Variants in BCLAF3 observed in about 807,000 individuals in gnomAD.
BCLAF3 encodes transient octamer binding factor 1.
A neutral mutation model predicts 51.2 loss-of-function variants in BCLAF3; 24 were observed. The ratio of observed to expected loss-of-function variants is 0.47; its 90% CI spans 0.34 to 0.66. The LOEUF is 0.66. Among genes scored for constraint, BCLAF3 ranks in the 30% least tolerant of loss-of-function variants. The pLI is 0.01. For missense variants in BCLAF3, 465 were observed against 525.1 expected (o/e 0.89, Z 1.12); for synonymous variants, 152 against 176.6 (o/e 0.86, Z 1.10).
rs893069126 is a variant in BCLAF3, at chrX:19,920,512, A to C, written c.2107-3178T>G. ...TCTGAAGACTGACTATATGAAAGGT[A>C]ATAAGGTAAGATAAAAGACTAACGA... On this transcript the variant is annotated intron_variant, in intron 11 of 11. Coordinates refer to ENST00000379682, the MANE Select transcript of BCLAF3 (RefSeq NM_001367774.2). 2.7e-5 allele frequency among the ~76,000 whole-genome samples: 3 copies of C among 111,304 alleles called. No homozygotes were observed. In the Admixed American group the frequency reaches 2.9e-4, roughly 11 times the overall value.
At chrX:19,917,480 C>T in intron 11 of BCLAF3, 146 bp from the exon 12 acceptor site, 2 of 491,906 alleles carry the variant, frequency 4.1e-6, no homozygotes, top group Non-Finnish European at 7.1e-6. Context: ...ATGTGGAACC[C>T]CAAAGGCGCA....
intron 8 of BCLAF3, among the ~76,000 whole-genome samples, chrX:19,940,272 AT>A (rs1185510322): frequency 1.4e-4 from 11 of 80,267 alleles, no homozygotes; most frequent in African/African-American, 5.2e-4. Flanking sequence ...TTATTTATTT[AT>A]TTATTTTTTT....
At chrX:19,962,911 T>C (rs1449607042) in intron 4 of BCLAF3, among the ~76,000 whole-genome samples, 1 of 109,294 alleles carries the variant, frequency 9.1e-6, no homozygotes, top group Admixed American at 9.8e-5. Flanking sequence ...ATAGCAAGAT[T>C]TCTATCTCTA....
In BCLAF3 at chrX:19,950,732, T is replaced by C. The variant is rs779043242; in HGVS notation, c.1745+21A>G. The C allele has an allele frequency of 9.3e-6, 10 of 1,075,429 alleles. No individual in the cohort carries two copies. In the East Asian group the frequency reaches 2.5e-4, roughly 26 times the overall value. 88.6% of individuals were successfully genotyped at this position (1,075,429 alleles called of 1,213,427 possible). The stretch of plus-strand genomic sequence containing the variant: ...AACCCAAAGCTCCCTGATAACAGGA[T>C]GTTTGTCATCTACTGATTACCTCTC... On this transcript the variant is annotated intron_variant, in intron 8 of 11. Coordinates refer to ENST00000379682, the MANE Select transcript of BCLAF3 (RefSeq NM_001367774.2).
intron 9 of BCLAF3, among the ~76,000 whole-genome samples, chrX:19,936,520 G>A (rs993072329): frequency 2.2e-4 from 25 of 111,740 alleles, no homozygotes; most frequent in African/African-American, 7.8e-4. Context: ...TCCACTTTCT[G>A]CAGAGTCTGG....
intron 11 of BCLAF3, among the ~76,000 whole-genome samples, chrX:19,920,656 C>T (rs765210781): frequency 9.1e-6 from 1 of 109,742 alleles, no homozygotes; most frequent in African/African-American, 3.3e-5. Flanking sequence ...CCCGTACCTA[C>T]AAGAAAATAC....
At chrX:19,954,404 T>C (rs1481871726) in intron 5 of BCLAF3, among the ~76,000 whole-genome samples, 1 of 112,502 alleles carries the variant, frequency 8.9e-6, no homozygotes, top group Non-Finnish European at 1.9e-5. Context: ...TCAGCTATGC[T>C]ACACACTTTT....
chrX:19,937,039 T>C (rs1234711095), intron 9 of BCLAF3, among the ~76,000 whole-genome samples: 1 of 111,685 alleles, frequency 9.0e-6, no homozygotes, highest in Non-Finnish European at 1.9e-5. Context: ...TTTCTTTTAT[T>C]ATTATTATAT....
chrX:19,958,169 C>T (rs1208111517), intron 4 of BCLAF3, among the ~76,000 whole-genome samples: 2 of 112,035 alleles, frequency 1.8e-5, no homozygotes, highest in Non-Finnish European at 3.8e-5. Flanking sequence ...GCACTTTCCC[C>T]GTTTATTTTT....
chrX:19,917,406 C>T, intron 11 of BCLAF3, 72 bp from the exon 12 acceptor site: 1 of 904,845 alleles, frequency 1.1e-6, no homozygotes, highest in Non-Finnish European at 1.6e-6. Context: ...TTTGTTTACA[C>T]TGCAATTTTC....
intron 1 of BCLAF3, among the ~76,000 whole-genome samples, chrX:19,979,848 A>C (rs943805263): frequency 3.6e-5 from 4 of 111,107 alleles, no homozygotes; most frequent in African/African-American, 1.3e-4. Context: ...ATTAAAATTT[A>C]ATAAGGAACA....
intron 1 of BCLAF3, among the ~76,000 whole-genome samples, 67 bp downstream of exon 1, chrX:19,990,841 T>A (rs1400774365): frequency 9.2e-6 from 1 of 108,960 alleles, no homozygotes; most frequent in Non-Finnish European, 1.9e-5. Context: ...CCGCCCCTCC[T>A]GGGTGGCGGA....
intron 1 of BCLAF3, among the ~76,000 whole-genome samples, chrX:19,978,029 A>C (rs1210122701): frequency 1.8e-5 from 2 of 111,718 alleles, no homozygotes; most frequent in Admixed American, 1.9e-4. Flanking sequence ...AAAAAAAAAA[A>C]GATTCCTTTC....
chrX:19,948,629 G>T (rs1435247099), intron 8 of BCLAF3, among the ~76,000 whole-genome samples: 1 of 109,318 alleles, frequency 9.1e-6, no homozygotes, highest in Non-Finnish European at 1.9e-5. Context: ...AAATTAGCCG[G>T]GTGTGGTGGC....
intron 7 of BCLAF3, among the ~76,000 whole-genome samples, chrX:19,952,126 T>C (rs2071505818): frequency 1.8e-5 from 2 of 112,015 alleles, no homozygotes; most frequent in South Asian, 7.4e-4. Context: ...AATGACTAAA[T>C]TATAGGTGAT....
chrX:19,966,649 C>T lies in BCLAF3; in HGVS notation c.42G>A (p.Arg14=). 5 of 1,199,072 alleles carry T rather than the reference C, an allele frequency of 4.2e-6. No individual in the cohort carries two copies. Among genetic ancestry groups the T allele is most frequent in the South Asian group, 1.8e-5 (1 of 55,482 alleles). The change falls in exon 3 of 12, where the codon AGG becomes AGA. Residue 14 remains arginine, a splice_region_variant and synonymous_variant. Transcript: ENST00000379682. ...SRSRSPRWKH[R]SLSPVPRNAE... is the part of the protein sequence containing the mutation. ...CATTTCTAGGTACTGGTGATAAAGA[C>T]CTATGTAAACAAACACAGAAAAGTG...
chrX:19,928,462 A>G (rs1307404408), intron 11 of BCLAF3, among the ~76,000 whole-genome samples: 1 of 109,751 alleles, frequency 9.1e-6, no homozygotes, highest in Non-Finnish European at 1.9e-5. Flanking sequence ...AGGCGCCTGT[A>G]ATACCAGCTA....
chrX:19,927,082 C>G (rs906965660), intron 11 of BCLAF3, among the ~76,000 whole-genome samples: 1 of 110,747 alleles, frequency 9.0e-6, no homozygotes, highest in Non-Finnish European at 1.9e-5. Context: ...CAAAAATTAG[C>G]TGGGCGTGGT....
At position 19,965,052 on chromosome X, in the gene BCLAF3, A is replaced by G. The variant is rs1457614658; in HGVS notation, c.1266T>C (p.Asp422=). ...AAAAACAAAGATAATACCTGAATGT[A>G]TCTACTGTTTTCTTCACATCTACTT... The part of the protein sequence containing the change: ...TVKVDVKKTV[D]TFRVASSYST... Residue 422 remains aspartate, a synonymous_variant, in exon 4 of 12, where the codon GAT becomes GAC. Coordinates refer to ENST00000379682, the MANE Select transcript of BCLAF3 (RefSeq NM_001367774.2). 1.0e-5 allele frequency: 12 copies of G among 1,148,631 alleles called. No homozygotes were observed. The highest frequency in any genetic ancestry group is 2.9e-5 in the Admixed American group (1 of 34,024). 94.7% of individuals were successfully genotyped at this position (1,148,631 alleles called of 1,213,427 possible).
Sources: gnomAD v4.1 joint callset for allele counts (sites outside exome capture counted in the v4.1 genomes callset) on GRCh38, gnomAD v4.1.1 for gene constraint, MANE v1.5 for transcripts, NCBI Gene and HGNC (gene_info 2026-07-23, HGNC 2026-07-21) for gene names.